Variants in PTPRN2 observed in about 807,000 individuals in gnomAD.
PTPRN2 encodes receptor-type tyrosine-protein phosphatase N2.
A neutral mutation model predicts 118.8 loss-of-function variants in PTPRN2; 74 were observed. The observed-to-expected ratio is 0.62, with a 90% CI of 0.52 to 0.76. The LOEUF is 0.76. Among genes scored for constraint, PTPRN2 ranks in the 30% least tolerant of loss-of-function variants. The probability of loss-of-function intolerance (pLI) is 0.00; values close to 1 mark genes in which losing one functional copy is unlikely to be tolerated. For missense variants in PTPRN2, 1,481 were observed against 1,394.4 expected (o/e 1.06, Z -0.99); for synonymous variants, 641 against 608.0 (o/e 1.05, Z -0.80).
At chr7:158,295,178 C>A (rs1300024554) in intron 3 of PTPRN2, among the ~76,000 whole-genome samples, 1 of 123,998 alleles carries the variant, frequency 8.1e-6, no homozygotes, top group African/African-American at 3.1e-5. Context: ...TGCACCACAT[C>A]GTGGTTCACC....
In PTPRN2 at chr7:158,509,603, C is replaced by A. The variant is rs900162106; in HGVS notation, c.113-19818G>T. On this transcript the variant is annotated intron_variant, in intron 1 of 22. Transcript: ENST00000389418. The surrounding 1 kb of genome is among the most constrained non-coding windows in gnomAD (Gnocchi z 4.4). ...GCACAGATGCGTAGTCACCCCAAAG[C>A]CCATCTGCTTTGTTCCGGGATCCCC... is the stretch of plus-strand genomic sequence containing the variant. Among the ~76,000 whole-genome samples, 10 of 152,262 alleles carry A rather than the reference C, an allele frequency of 6.6e-5. No individual in the cohort carries two copies. Among genetic ancestry groups the A allele is most frequent in the African/African-American group, 2.4e-4 (10 of 41,474 alleles).
chr7:158,487,533 T>A (rs552185276), intron 2 of PTPRN2, among the ~76,000 whole-genome samples: 2 of 152,286 alleles, frequency 1.3e-5, no homozygotes, highest in East Asian at 3.9e-4. Context: ...GTTGGGCTTT[T>A]AAAAAACATA....
In PTPRN2 at chr7:158,514,547, C is replaced by G. The variant is rs1052725480; in HGVS notation, c.113-24762G>C. Among the ~76,000 whole-genome samples the G allele has an allele frequency of 2.0e-5, 3 of 152,156 alleles. No individual in the cohort carries two copies. In the East Asian group the frequency reaches 5.8e-4, roughly 29 times the overall value. ...GTGAGACACGACACATCCCTGCACC[C>G]CAGGTGATGGCGATGCCTCCCACTG... is the stretch of plus-strand genomic sequence containing the variant. On this transcript the variant is annotated intron_variant, in intron 1 of 22. Coordinates refer to ENST00000389418, the MANE Select transcript of PTPRN2 (RefSeq NM_002847.5).
At chr7:158,398,063 G>C (rs1032333820) in intron 2 of PTPRN2, among the ~76,000 whole-genome samples, 9 of 152,306 alleles carry the variant, frequency 5.9e-5, no homozygotes, top group African/African-American at 1.2e-4. Flanking sequence ...AGATTCTGTA[G>C]TGCTGATACA....
chr7:158,200,871 T>C (rs1289513079), intron 4 of PTPRN2, among the ~76,000 whole-genome samples: 2 of 152,206 alleles, frequency 1.3e-5, no homozygotes, highest in East Asian at 1.9e-4. Flanking sequence ...TCATCAGTTA[T>C]AGAATGATGT....
At chr7:157,877,995 T>C (rs1795882795) in intron 12 of PTPRN2, among the ~76,000 whole-genome samples, 1 of 152,234 alleles carries the variant, frequency 6.6e-6, no homozygotes, top group East Asian at 1.9e-4. Context: ...CGTATGTCAG[T>C]AGGAAGCGTT....
intron 2 of PTPRN2, among the ~76,000 whole-genome samples, chr7:158,408,164 C>T (rs1369804069): frequency 5.9e-5 from 9 of 152,276 alleles, no homozygotes; most frequent in African/African-American, 2.2e-4. Context: ...GAGAAACACA[C>T]GAGATCCTGT....
intron 3 of PTPRN2, among the ~76,000 whole-genome samples, chr7:158,221,129 T>G (rs1027262035): frequency 2.0e-5 from 3 of 152,114 alleles, no homozygotes; most frequent in African/African-American, 7.2e-5. Context: ...GGACTCCCTA[T>G]TCAATAAATG....
intron 1 of PTPRN2, among the ~76,000 whole-genome samples, chr7:158,510,689 T>C (rs1823113728): frequency 6.6e-6 from 1 of 152,190 alleles, no homozygotes; most frequent in African/African-American, 2.4e-5. Flanking sequence ...TGTAATTCCA[T>C]GTAAGAGAAA....
intron 11 of PTPRN2, among the ~76,000 whole-genome samples, chr7:158,047,091 A>T (rs1808935202): frequency 1.3e-5 from 2 of 152,094 alleles, no homozygotes. Context: ...ACCACATCCC[A>T]TTCCTCTCTC....
intron 2 of PTPRN2, among the ~76,000 whole-genome samples, chr7:158,377,319 T>C (rs1810619474): frequency 6.6e-6 from 1 of 152,266 alleles, no homozygotes; most frequent in African/African-American, 2.4e-5. Flanking sequence ...TGTTTCATCA[T>C]GAATCTGGTA....
chr7:158,155,329 T>C (rs898921696), intron 6 of PTPRN2, among the ~76,000 whole-genome samples: 4 of 152,160 alleles, frequency 2.6e-5, no homozygotes, highest in Non-Finnish European at 5.9e-5. Flanking sequence ...ACAAAGACAA[T>C]GGGAATCATG....
chr7:158,149,508 A>T (rs989255064), intron 6 of PTPRN2, among the ~76,000 whole-genome samples: 1 of 152,092 alleles, frequency 6.6e-6, no homozygotes, highest in Non-Finnish European at 1.5e-5. Context: ...ACTGATTTTT[A>T]AAAAGATAAG....
At chr7:158,425,984 G>A (rs371277861) in intron 2 of PTPRN2, among the ~76,000 whole-genome samples, 13,469 of 22,560 alleles carry the variant, frequency 0.6, 3,576 homozygotes, top group East Asian at 0.72. Context: ...AGCCTAGCTG[G>A]GGCCTGCGCA....
chr7:157,728,959 C>T (rs555630191), intron 12 of PTPRN2, among the ~76,000 whole-genome samples: 8 of 152,248 alleles, frequency 5.3e-5, no homozygotes, highest in East Asian at 3.9e-4. Context: ...GAAACAGCCT[C>T]GAGGGAGACG....
chr7:158,034,029 T>C (rs1398160873), intron 11 of PTPRN2, among the ~76,000 whole-genome samples: 1 of 149,540 alleles, frequency 6.7e-6, no homozygotes, highest in Non-Finnish European at 1.5e-5. Flanking sequence ...TGGTCAGCAA[T>C]GCTCTGTGTG....
At chr7:158,429,869 G>A (rs1489854265) in intron 2 of PTPRN2, among the ~76,000 whole-genome samples, 1 of 152,192 alleles carries the variant, frequency 6.6e-6, no homozygotes, top group Non-Finnish European at 1.5e-5. Flanking sequence ...GAAGATGTGT[G>A]TAGCCGTACT....
chr7:158,563,794 G>C lies in PTPRN2; in HGVS notation c.112+23764C>G. ...CCTCAGATTGTGAAGAAACAAGTGA[G>C]GTCTTTGATTAGATGCCTATTTTTT... On this transcript the variant is annotated intron_variant, in intron 1 of 22. Coordinates refer to ENST00000389418, the MANE Select transcript of PTPRN2 (RefSeq NM_002847.5). The surrounding 1 kb of genome is among the most constrained non-coding windows in gnomAD (Gnocchi z 5.1). Among the ~76,000 whole-genome samples the C allele has an allele frequency of 6.6e-6, 1 of 152,210 alleles. No individual in the cohort carries two copies. Among genetic ancestry groups the C allele is most frequent in the East Asian group, 1.9e-4 (1 of 5,194 alleles).
chr7:158,130,575 A>G (rs1463795233), intron 9 of PTPRN2, among the ~76,000 whole-genome samples: 1 of 151,818 alleles, frequency 6.6e-6, no homozygotes, highest in Non-Finnish European at 1.5e-5. Flanking sequence ...ATATACACAC[A>G]TGCACATATG....
Sources: gnomAD v4.1 joint callset for allele counts (sites outside exome capture counted in the v4.1 genomes callset) on GRCh38, gnomAD v4.1.1 for gene constraint, Gnocchi (gnomAD v3.1) non-coding constraint, MANE v1.5 for transcripts, NCBI Gene and HGNC (gene_info 2026-07-23, HGNC 2026-07-21) for gene names.